LRRC4C: variants seen among roughly 807,000 people sequenced by gnomAD.
The protein encoded by LRRC4C is leucine-rich repeat-containing protein 4C.
Under a neutral mutation model 33.6 loss-of-function variants are expected in LRRC4C, and 5 were observed. That is an observed-to-expected ratio of 0.15 (90% CI 0.08 to 0.31). LRRC4C has a LOEUF of 0.31. Ranked by LOEUF, LRRC4C falls within the 10% of genes least tolerant of loss-of-function variation. The pLI is 1.00. For synonymous variants in LRRC4C, 329 were observed against 302.0 expected, an observed-to-expected ratio of 1.09 and a Z score of -0.93; for missense variants, 560 against 796.7, an observed-to-expected ratio of 0.70 and a Z score of 3.58.
intron 2 of LRRC4C, among the ~76,000 whole-genome samples, chr11:40,913,268 C>T (rs1956783153): frequency 1.3e-5 from 2 of 152,148 alleles, no homozygotes; most frequent in African/African-American, 2.4e-5. Flanking sequence ...CACACCACAC[C>T]TATTCCAAAA....
chr11:40,913,789 G>A (rs7102556), intron 2 of LRRC4C, among the ~76,000 whole-genome samples: 18,039 of 151,874 alleles, frequency 0.12, 1,616 homozygotes, highest in African/African-American at 0.24. Flanking sequence ...AACAAAATTG[G>A]TAGACCACTA....
chr11:40,245,300 G>A (rs1866241770), intron 4 of LRRC4C, among the ~76,000 whole-genome samples: 1 of 151,966 alleles, frequency 6.6e-6, no homozygotes, highest in Non-Finnish European at 1.5e-5. Flanking sequence ...TCTATTATTT[G>A]CATATGTTAC....
rs539925576 is a variant in LRRC4C at position 40,817,999 on chromosome 11, G to C, written c.-407+115636C>G. Among the ~76,000 whole-genome samples the C allele has an allele frequency of 1.4e-4, 21 of 152,126 alleles. 1 individual carries two copies. The highest frequency in any genetic ancestry group is 4.6e-4 in the African/African-American group (19 of 41,546). On this transcript the variant is annotated intron_variant, in intron 2 of 6. Coordinates refer to ENST00000528697, the MANE Select transcript of LRRC4C (RefSeq NM_001258419.2). Reference sequence around the variant, plus strand: ...CAGGATTTAATTGGTTTGTTTGTTTGTTTTTCCCTGAGATTATGAAAAGCT... The same window carrying C: ...CAGGATTTAATTGGTTTGTTTGTTTCTTTTTCCCTGAGATTATGAAAAGCT...
At chr11:40,293,302 C>CT (rs1944324651) in intron 4 of LRRC4C, 2 of 145,016 alleles carry the variant, frequency 1.4e-5, no homozygotes, top group African/African-American at 5.1e-5. Context: ...TTTTTTTTTT[C>CT]TTTTTAAGGC....
At chr11:40,760,041 C>T (rs1443486482) in intron 2 of LRRC4C, among the ~76,000 whole-genome samples, 3 of 151,642 alleles carry the variant, frequency 2.0e-5, no homozygotes, top group African/African-American at 4.8e-5. Context: ...ACTCTGCCCC[C>T]CAACCTTTTC....
At chr11:40,409,464 G>A (rs113335417) in intron 3 of LRRC4C, among the ~76,000 whole-genome samples, 1,725 of 151,932 alleles carry the variant, frequency 0.011, 34 homozygotes, top group African/African-American at 0.04. Flanking sequence ...CCTATAAAAT[G>A]GAAGAAAACA....
At chr11:40,654,813 C>T (rs111243889) in intron 2 of LRRC4C, among the ~76,000 whole-genome samples, 11 of 152,034 alleles carry the variant, frequency 7.2e-5, no homozygotes, top group African/African-American at 2.7e-4. Context: ...AATTATAATC[C>T]CCATAATACC....
chr11:40,261,194 C>A (rs1941796235), intron 4 of LRRC4C, among the ~76,000 whole-genome samples: 1 of 152,068 alleles, frequency 6.6e-6, no homozygotes, highest in Non-Finnish European at 1.5e-5. Flanking sequence ...AGCCTGAAAA[C>A]AATTCTTTTA....
At position 41,146,722 on chromosome 11, in the gene LRRC4C, C is replaced by A. The variant is rs570654079; in HGVS notation, c.-495-212999G>T. Among the ~76,000 whole-genome samples the A allele has an allele frequency of 5.9e-5, 9 of 152,236 alleles. 1 individual carries two copies. In the South Asian group the frequency reaches 1.2e-3, roughly 21 times the overall value. Reference sequence around the variant, plus strand: ...CAGACATGAAAACAGATTTATTTTTCCAAGTGATGTAATTAAGAGTGCTCT... The same window carrying A: ...CAGACATGAAAACAGATTTATTTTTACAAGTGATGTAATTAAGAGTGCTCT... On this transcript the variant is annotated intron_variant, in intron 1 of 6. Coordinates refer to ENST00000528697, the MANE Select transcript of LRRC4C (RefSeq NM_001258419.2).
At chr11:41,210,299 A>G (rs1946768980) in intron 1 of LRRC4C, among the ~76,000 whole-genome samples, 1 of 152,066 alleles carries the variant, frequency 6.6e-6, no homozygotes, top group Non-Finnish European at 1.5e-5. Flanking sequence ...CCTGTGGGAG[A>G]TAACTGAATC....
At chr11:40,752,042 G>A (rs975066519) in intron 2 of LRRC4C, among the ~76,000 whole-genome samples, 5 of 152,034 alleles carry the variant, frequency 3.3e-5, no homozygotes, top group African/African-American at 4.8e-5. Context: ...AAAATTGGAT[G>A]TCCATGTGCA....
At chr11:40,223,801 A>G (rs2123267) in intron 5 of LRRC4C, among the ~76,000 whole-genome samples, 90,403 of 152,042 alleles carry the variant, frequency 0.59, 29,424 homozygotes, top group East Asian at 0.78. Context: ...CCTCCTTTCC[A>G]AGACCTTCCA....
At chr11:40,754,495 T>C (rs1191126344) in intron 2 of LRRC4C, among the ~76,000 whole-genome samples, 1 of 152,094 alleles carries the variant, frequency 6.6e-6, no homozygotes, top group East Asian at 1.9e-4. Flanking sequence ...GAGAGGGTTA[T>C]GTTCAGCGTC....
chr11:41,341,157 T>C (rs1951624098), intron 1 of LRRC4C, among the ~76,000 whole-genome samples: 1 of 151,366 alleles, frequency 6.6e-6, no homozygotes, highest in Non-Finnish European at 1.5e-5. Flanking sequence ...AAAGTAATAG[T>C]GTGTTAGGTG....
At chr11:40,697,098 T>G (rs567750794) in intron 2 of LRRC4C, among the ~76,000 whole-genome samples, 2 of 152,162 alleles carry the variant, frequency 1.3e-5, no homozygotes, top group Admixed American at 1.3e-4. Flanking sequence ...TAGGCTGAAA[T>G]CTCTCAGCCT....
chr11:40,621,836 A>G (rs1384090954), intron 3 of LRRC4C, among the ~76,000 whole-genome samples: 1 of 151,854 alleles, frequency 6.6e-6, no homozygotes, highest in Non-Finnish European at 1.5e-5. Context: ...GTATTAACTC[A>G]CTTAACCAAT....
intron 3 of LRRC4C, among the ~76,000 whole-genome samples, chr11:40,550,330 G>A (rs1957083652): frequency 6.6e-6 from 1 of 152,082 alleles, no homozygotes; most frequent in Admixed American, 6.5e-5. Context: ...TACCTCAAAT[G>A]TGTCCTGCCC....
intron 2 of LRRC4C, among the ~76,000 whole-genome samples, chr11:40,749,934 A>G (rs1948601136): frequency 6.6e-6 from 1 of 152,210 alleles, no homozygotes; most frequent in African/African-American, 2.4e-5. Context: ...CCTAAAATTA[A>G]GAAGAAATAT....
At chr11:41,397,582 GA>G (rs1294896304) in intron 1 of LRRC4C, among the ~76,000 whole-genome samples, 3 of 151,418 alleles carry the variant, frequency 2.0e-5, no homozygotes, top group Admixed American at 1.3e-4. Flanking sequence ...CATTTTGGGG[GA>G]GTCAAAAGTT....
Sources: gnomAD v4.1 joint callset for allele counts (sites outside exome capture counted in the v4.1 genomes callset) on GRCh38, gnomAD v4.1.1 for gene constraint, MANE v1.5 for transcripts, NCBI Gene and HGNC (gene_info 2026-07-23, HGNC 2026-07-21) for gene names.